GLUD1: variants seen among roughly 807,000 people sequenced by gnomAD.
GLUD1 encodes the protein glutamate dehydrogenase 1.
A neutral mutation model predicts 56.0 loss-of-function variants in GLUD1; 22 were observed. The ratio of observed to expected loss-of-function variants is 0.39; its 90% CI spans 0.28 to 0.56. The LOEUF (loss-of-function observed/expected upper bound fraction) is 0.56, where lower values mean the gene tolerates loss of function less well. GLUD1 is among the 20% of genes least tolerant of loss of function. GLUD1 has a pLI of 0.58. For synonymous variants in GLUD1, 223 were observed against 269.9 expected (o/e 0.83, Z 1.70); for missense variants, 451 against 732.0 (o/e 0.62, Z 4.43).
intron 5 of GLUD1, chr10:87,067,808 G>A (rs770079112): frequency 1.3e-4 from 56 of 439,704 alleles, no homozygotes; most frequent in Admixed American, 3.1e-4. Flanking sequence ...CTTGATGTAC[G>A]TTCTAGTGTC....
intron 11 of GLUD1, among the ~76,000 whole-genome samples, chr10:87,055,926 C>A (rs1395675707): frequency 6.6e-6 from 1 of 151,510 alleles, no homozygotes; most frequent in Admixed American, 6.6e-5. Context: ...CCAGCCTGAC[C>A]AACAAGGTGA....
chr10:87,080,083 G>A (rs1023852723), intron 1 of GLUD1, among the ~76,000 whole-genome samples: 2 of 151,814 alleles, frequency 1.3e-5, no homozygotes, highest in Non-Finnish European at 2.9e-5. Context: ...GATTGCAGGC[G>A]CGCGCCGCCA....
intron 1 of GLUD1, among the ~76,000 whole-genome samples, chr10:87,081,176 C>T (rs1302543479): frequency 7.5e-6 from 1 of 133,318 alleles, no homozygotes. Flanking sequence ...CGGCCAGCCG[C>T]CCCGTCCAGG....
At chr10:87,068,232 G>A in intron 4 of GLUD1, 75 bp from the exon 5 acceptor site, 1 of 880,672 alleles carries the variant, frequency 1.1e-6, no homozygotes, top group Non-Finnish European at 1.9e-6. Context: ...ATCCTTGTAA[G>A]TCTCTGTAAT....
chr10:87,070,317 C>A (rs188841979), intron 4 of GLUD1, among the ~76,000 whole-genome samples: 20 of 152,170 alleles, frequency 1.3e-4, no homozygotes, highest in Non-Finnish European at 2.2e-4. Flanking sequence ...AAACAAAAAA[C>A]CGGCTGGGCG....
intron 1 of GLUD1, among the ~76,000 whole-genome samples, chr10:87,080,083 G>C (rs1023852723): frequency 3.3e-5 from 5 of 151,928 alleles, no homozygotes; most frequent in African/African-American, 9.7e-5. Flanking sequence ...GATTGCAGGC[G>C]CGCGCCGCCA....
At position 87,094,473 on chromosome 10, in the gene GLUD1, C is replaced by G. The variant is rs1378546943; in HGVS notation, c.297G>C (p.Arg99=). ...LRTRESEEQK[R]NRVRGILRII... ...TCCGCAGGATGCCGCGCACCCGGTT[C>G]CGCTTCTGCTCCTCGCTCTCCCGGG... The change falls in exon 1 of 13, where the codon CGG becomes CGC. Residue 99 remains arginine (R), a synonymous_variant. Transcript: ENST00000277865. This position sits in a 1 kb window ranked among gnomAD's most constrained non-coding sequence, Gnocchi z 6.6. 1.2e-6 allele frequency: 2 copies of G among 1,613,594 alleles called. No homozygotes were observed. Among genetic ancestry groups the G allele is most frequent in the African/African-American group, 2.7e-5 (2 of 74,924 alleles).
rs546318407 is a variant in GLUD1, at chr10:87,094,514, C to T, written c.256G>A (p.Val86Met). 5 of 1,613,220 alleles carry T rather than the reference C, an allele frequency of 3.1e-6. No individual in the cohort carries two copies. Among genetic ancestry groups the T allele is most frequent in the African/African-American group, 2.7e-5 (2 of 75,036 alleles). Residue 86 changes from valine (V) to methionine (M), a missense_variant, in exon 1 of 13, where the codon GTG becomes ATG. By Grantham distance (21) the Val-to-Met change is conservative. Around this residue, in one of 4 missense-constraint regions of GLUD1, gnomAD observed 158 missense variants for 189.7 expected, o/e 0.83. Transcript: ENST00000277865. This position sits in a 1 kb window ranked among gnomAD's most constrained non-coding sequence, Gnocchi z 6.6. ...RGASIVEDKL[V>M]EDLRTRESEE... ...CTCTCCCGGGTCCTCAGGTCCTCCA[C>T]CAGCTTGTCCTCCACGATGCTGGCG...
At chr10:87,086,510 T>TA (rs1229420024) in intron 1 of GLUD1, among the ~76,000 whole-genome samples, 7 of 152,164 alleles carry the variant, frequency 4.6e-5, no homozygotes, top group Non-Finnish European at 8.8e-5. Flanking sequence ...GATTCATCAT[T>TA]ATTCATCCAA....
At chr10:87,073,770 G>C (rs753863520) in intron 4 of GLUD1, among the ~76,000 whole-genome samples, 1 of 151,502 alleles carries the variant, frequency 6.6e-6, no homozygotes, top group Non-Finnish European at 1.5e-5. Context: ...AGGCACTCGC[G>C]ACCACGCCTG....
chr10:87,062,715 A>G lies in GLUD1; in HGVS notation c.862T>C (p.Ser288Pro), dbSNP rs1401775499. 3 of 1,614,008 alleles carry G rather than the reference A, an allele frequency of 1.9e-6. No homozygotes were observed. The highest frequency in any genetic ancestry group is 2.5e-6 in the Non-Finnish European group (3 of 1,179,976). The change falls in exon 6 of 13, where the codon TCT becomes CCT. Residue 288 changes from serine (S) to proline (P), a missense_variant. Coordinates refer to ENST00000277865, the MANE Select transcript of GLUD1 (RefSeq NM_005271.5). ...HGIENFINEASYMSILGMTPG... is the reference protein window; with the variant it reads ...HGIENFINEAPYMSILGMTPG... Reference sequence around the variant, plus strand: ...GTCATTCCTAAAATGCTCATGTAAGAAGCTTCATTGATGAAATTTTCAATC... The same window carrying G: ...GTCATTCCTAAAATGCTCATGTAAGGAGCTTCATTGATGAAATTTTCAATC...
chr10:87,087,506 T>C (rs954634242), intron 1 of GLUD1, among the ~76,000 whole-genome samples: 3 of 152,194 alleles, frequency 2.0e-5, no homozygotes, highest in Non-Finnish European at 4.4e-5. Context: ...AGTCCCCACC[T>C]TGAAGCTACC....
intron 2 of GLUD1, among the ~76,000 whole-genome samples, 188 bp downstream of exon 2, chr10:87,076,388 C>T (rs4460731): frequency 0.1 from 14,231 of 136,248 alleles, 1,497 homozygotes; most frequent in East Asian, 0.6. Context: ...TTAAAAAATC[C>T]CCCATGTAAA....
chr10:87,060,793 T>C lies in GLUD1; in HGVS notation c.1092A>G (p.Ala364=), dbSNP rs759628781. The change falls in exon 8 of 13, where the codon GCA becomes GCG. Residue 364 remains alanine, a synonymous_variant. Transcript: ENST00000277865. ...QHGSILGFPK[A]KPYEGSILEA... The stretch of plus-strand genomic sequence containing the variant: ...CCAAGATGCTTCCTTCATAGGGCTT[T>C]GCCTTGGGGAAGCCCAGAATGGACC... 3 of 1,614,114 alleles carry C rather than the reference T, an allele frequency of 1.9e-6. No homozygotes were observed. The highest frequency in any genetic ancestry group is 2.5e-6 in the Non-Finnish European group (3 of 1,180,048).
chr10:87,090,156 T>C (rs1841477034), intron 1 of GLUD1, among the ~76,000 whole-genome samples: 1 of 152,198 alleles, frequency 6.6e-6, no homozygotes, highest in Non-Finnish European at 1.5e-5. Flanking sequence ...AGTATTTTAG[T>C]TTTTAATGGT....
chr10:87,069,241 G>A (rs1415952684), intron 4 of GLUD1, among the ~76,000 whole-genome samples: 1 of 152,062 alleles, frequency 6.6e-6, no homozygotes, highest in Non-Finnish European at 1.5e-5. Context: ...ATTAGGCTGA[G>A]CACAGTGGCG....
intron 5 of GLUD1, among the ~76,000 whole-genome samples, chr10:87,064,116 T>C (rs1846010867): frequency 6.6e-6 from 1 of 152,158 alleles, no homozygotes; most frequent in Non-Finnish European, 1.5e-5. Flanking sequence ...TAACATCCTG[T>C]GTTAGTCAGG....
intron 4 of GLUD1, among the ~76,000 whole-genome samples, chr10:87,071,185 T>C (rs1846229144): frequency 6.6e-6 from 1 of 152,054 alleles, no homozygotes; most frequent in African/African-American, 2.4e-5. Flanking sequence ...ATATTCTTTT[T>C]GTTTTTTTTT....
chr10:87,059,006 C>T, intron 10 of GLUD1, 144 bp downstream of exon 10: 1 of 959,608 alleles, frequency 1.0e-6, no homozygotes, highest in Admixed American at 1.8e-5. Flanking sequence ...CATTTTTGGT[C>T]TAAGTTTCAT....
Sources: gnomAD v4.1 joint callset for allele counts (sites outside exome capture counted in the v4.1 genomes callset) on GRCh38, gnomAD v4.1.1 for gene constraint, gnomAD v4.1.1 regional missense constraint, Gnocchi (gnomAD v3.1) non-coding constraint, MANE v1.5 for transcripts, NCBI Gene and HGNC (gene_info 2026-07-23, HGNC 2026-07-21) for gene names.